NRXN1: variants seen among roughly 807,000 people sequenced by gnomAD.
NRXN1 encodes neurexin-1.
NRXN1 carries 39 observed loss-of-function variants against 150.9 expected under a neutral mutation model. That is an observed-to-expected ratio of 0.26 (90% CI 0.20 to 0.34). The LOEUF (loss-of-function observed/expected upper bound fraction) is 0.34. Ranked by LOEUF, NRXN1 falls within the 10% of genes least tolerant of loss-of-function variation. The probability of loss-of-function intolerance (pLI) is 1.00; values close to 1 mark genes in which losing one functional copy is unlikely to be tolerated. For missense variants in NRXN1, 1,815 were observed against 1,949.9 expected (o/e 0.93, Z 1.30); for synonymous variants, 924 against 757.0 (o/e 1.22, Z -3.62).
At chr2:50,219,990 TATAATATATATTATATA>T (rs1225608946) in intron 18 of NRXN1, among the ~76,000 whole-genome samples, 18 of 37,376 alleles carry the variant, frequency 4.8e-4, no homozygotes, top group Middle Eastern at 0.013. Context: ...ATATATTATA[TATAATATATATTATATA>T]ATATATTATA....
At position 50,714,036 on chromosome 2, in the gene NRXN1, G is replaced by A. The variant is rs182725235; in HGVS notation, c.833-90421C>T. Among the ~76,000 whole-genome samples the A allele has an allele frequency of 2.5e-4, 38 of 152,130 alleles. No individual in the cohort carries two copies. In the East Asian group the frequency reaches 7.3e-3, roughly 29 times the overall value. Reference sequence around the variant, plus strand: ...TATGACCAATATCTAACAATAAATAGGTATTAGGCTTTTACTTTAAAAATT... The same window carrying A: ...TATGACCAATATCTAACAATAAATAAGTATTAGGCTTTTACTTTAAAAATT... On this transcript the variant is annotated intron_variant, in intron 5 of 22. Transcript: ENST00000401669.
intron 2 of NRXN1, among the ~76,000 whole-genome samples, chr2:50,973,644 ACAATGGT>A (rs1263794256): frequency 6.6e-6 from 1 of 152,144 alleles, no homozygotes; most frequent in African/African-American, 2.4e-5. Flanking sequence ...ACAAATAAAA[ACAATGGT>A]GCTATCTTTG....
At chr2:50,249,063 T>A (rs1006926666) in intron 17 of NRXN1, among the ~76,000 whole-genome samples, 2 of 150,484 alleles carry the variant, frequency 1.3e-5, no homozygotes, top group African/African-American at 4.9e-5. Flanking sequence ...AGGCTGAAGT[T>A]GGAGGATCAC....
intron 17 of NRXN1, among the ~76,000 whole-genome samples, chr2:50,433,656 G>C (rs2085170137): frequency 7.1e-6 from 1 of 140,776 alleles, no homozygotes; most frequent in Non-Finnish European, 1.5e-5. Flanking sequence ...AAAAATGAAA[G>C]AGAAACATAA....
intron 5 of NRXN1, among the ~76,000 whole-genome samples, chr2:50,705,256 C>T (rs1440093497): frequency 6.6e-6 from 1 of 152,096 alleles, no homozygotes; most frequent in East Asian, 1.9e-4. Flanking sequence ...ATGGGCTTAA[C>T]TTCCAATTCT....
At chr2:50,384,360 G>A (rs540666301) in intron 17 of NRXN1, among the ~76,000 whole-genome samples, 1 of 151,962 alleles carries the variant, frequency 6.6e-6, no homozygotes, top group Admixed American at 6.6e-5. Context: ...CAAAAAGTTA[G>A]CCAAGTGTGG....
intron 5 of NRXN1, among the ~76,000 whole-genome samples, chr2:50,763,245 G>A (rs1211512456): frequency 6.6e-6 from 1 of 151,860 alleles, no homozygotes; most frequent in Admixed American, 6.6e-5. Flanking sequence ...ATCATTTCCT[G>A]ACAGTCCCAA....
chr2:50,342,615 G>A (rs1042140302), intron 17 of NRXN1, among the ~76,000 whole-genome samples: 2 of 152,224 alleles, frequency 1.3e-5, no homozygotes, highest in African/African-American at 4.8e-5. Context: ...AATCAATGAA[G>A]TAATCTGCAG....
At chr2:50,318,184 C>A (rs2075758810) in intron 17 of NRXN1, among the ~76,000 whole-genome samples, 1 of 151,866 alleles carries the variant, frequency 6.6e-6, no homozygotes, top group African/African-American at 2.4e-5. Context: ...GAAGGGGAAA[C>A]ACAAATAACC....
At chr2:50,762,657 C>T (rs1701939596) in intron 5 of NRXN1, among the ~76,000 whole-genome samples, 1 of 151,748 alleles carries the variant, frequency 6.6e-6, no homozygotes, top group South Asian at 2.1e-4. Context: ...AATGTTGCTG[C>T]AAAAAACATG....
chr2:50,068,327 A>C (rs1343510903), intron 19 of NRXN1, among the ~76,000 whole-genome samples: 2 of 152,230 alleles, frequency 1.3e-5, no homozygotes, highest in African/African-American at 2.4e-5. Flanking sequence ...CTGAAGTAAA[A>C]TAACCATTTT....
At chr2:50,369,634 C>T (rs2079865030) in intron 17 of NRXN1, among the ~76,000 whole-genome samples, 2 of 151,950 alleles carry the variant, frequency 1.3e-5, no homozygotes, top group Non-Finnish European at 2.9e-5. Context: ...ACTATAATTT[C>T]CCTCCATAAT....
intron 5 of NRXN1, among the ~76,000 whole-genome samples, chr2:50,645,386 A>C (rs565511348): frequency 2.0e-5 from 3 of 151,926 alleles, no homozygotes; most frequent in Non-Finnish European, 4.4e-5. Flanking sequence ...TAAGAATGCT[A>C]CCTCTGGAAT....
chr2:50,060,956 G>A (rs949119276), intron 19 of NRXN1, among the ~76,000 whole-genome samples: 2 of 152,074 alleles, frequency 1.3e-5, no homozygotes, highest in East Asian at 1.9e-4. Flanking sequence ...AAAGTACAGC[G>A]ACAATGTCTT....
chr2:50,324,815 T>A (rs1575088965), intron 17 of NRXN1, among the ~76,000 whole-genome samples: 1 of 152,238 alleles, frequency 6.6e-6, no homozygotes, highest in African/African-American at 2.4e-5. Flanking sequence ...GAGGCTGTGG[T>A]CATTTTTATT....
chr2:50,190,843 C>A (rs1380494414), intron 18 of NRXN1, among the ~76,000 whole-genome samples: 2 of 152,042 alleles, frequency 1.3e-5, no homozygotes, highest in Admixed American at 1.3e-4. Context: ...AAACTCCCGA[C>A]TGCAGGTGAT....
At chr2:50,777,451 T>C (rs1703802673) in intron 5 of NRXN1, among the ~76,000 whole-genome samples, 1 of 152,130 alleles carries the variant, frequency 6.6e-6, no homozygotes, top group South Asian at 2.1e-4. Context: ...AGGTTGAAAC[T>C]ACAAGCTCCT....
intron 6 of NRXN1, among the ~76,000 whole-genome samples, chr2:50,622,423 A>G (rs1394092046): frequency 6.6e-6 from 1 of 152,182 alleles, no homozygotes; most frequent in East Asian, 1.9e-4. Context: ...TGTTAAGGAT[A>G]TTAGTTTAAG....
intron 5 of NRXN1, among the ~76,000 whole-genome samples, chr2:50,827,014 A>G (rs1670545570): frequency 6.6e-6 from 1 of 152,212 alleles, no homozygotes; most frequent in African/African-American, 2.4e-5. Flanking sequence ...GGAGGAGAAC[A>G]TAGCATCATG....
Sources: allele counts gnomAD v4.1 joint callset (sites outside exome capture counted in the v4.1 genomes callset), GRCh38; gene constraint gnomAD v4.1.1; transcripts MANE v1.5; gene names NCBI Gene and HGNC (gene_info 2026-07-23, HGNC 2026-07-21).